Variants in TRIM14 observed in about 807,000 individuals in gnomAD.
TRIM14 encodes tripartite motif-containing protein 14.
Under a neutral mutation model 44.5 loss-of-function variants are expected in TRIM14, and 28 were observed. The ratio of observed to expected loss-of-function variants is 0.63; its 90% confidence interval spans 0.47 to 0.86. The LOEUF (loss-of-function observed/expected upper bound fraction) is 0.86. Among genes scored for constraint, TRIM14 ranks in the 40% least tolerant of loss-of-function variants. TRIM14 has a pLI of 0.00. For synonymous variants in TRIM14, 299 were observed against 269.2 expected (o/e 1.11, Z -1.08); for missense variants, 607 against 611.1 (o/e 0.99, Z 0.07).
the TRIM14 span, among the ~76,000 whole-genome samples, chr9:98,045,112 C>G: frequency 6.6e-6 from 1 of 151,562 alleles, no homozygotes; most frequent in East Asian, 1.9e-4. Context: ...ACTCTGTCTC[C>G]AAAAAATAAA....
downstream of TRIM14, among the ~76,000 whole-genome samples, chr9:98,079,810 C>T (rs1270913388): frequency 6.6e-6 from 1 of 152,240 alleles, no homozygotes; most frequent in Non-Finnish European, 1.5e-5. Flanking sequence ...TGGGCCTGCA[C>T]ATAGTACAGT....
chr9:98,046,715 A>T, the TRIM14 span, among the ~76,000 whole-genome samples: 1 of 152,170 alleles, frequency 6.6e-6, no homozygotes, highest in African/African-American at 2.4e-5. Flanking sequence ...CTGGGATTAC[A>T]GGCGTGAGCC....
At chr9:98,056,761 C>G in the TRIM14 span, 1 of 1,587,642 alleles carries the variant, frequency 6.3e-7, no homozygotes, top group Non-Finnish European at 8.5e-7. Flanking sequence ...GCGGCGGCGG[C>G]GGCCGGACCC....
chr9:98,108,674 A>G (rs903402826), intron 2 of TRIM14, among the ~76,000 whole-genome samples: 16 of 151,690 alleles, frequency 1.1e-4, no homozygotes, highest in Admixed American at 4.6e-4. Flanking sequence ...GACATGAGAG[A>G]CACTATTAAG....
chr9:98,071,830 G>A (rs532904682), intron 6 of TRIM14, among the ~76,000 whole-genome samples: 16 of 152,316 alleles, frequency 1.1e-4, no homozygotes, highest in South Asian at 2.1e-4. Flanking sequence ...TTCCGTCCAC[G>A]TTTCCTGGAA....
the TRIM14 span, among the ~76,000 whole-genome samples, chr9:98,060,353 G>T: frequency 1.3e-5 from 2 of 152,080 alleles, no homozygotes; most frequent in South Asian, 4.1e-4. Flanking sequence ...TAAGGTCTCT[G>T]TCAGTCTATG....
intron 4 of TRIM14, among the ~76,000 whole-genome samples, 175 bp downstream of exon 4, chr9:98,094,692 T>A (rs185447631): frequency 1.1e-3 from 161 of 151,544 alleles, no homozygotes; most frequent in Middle Eastern, 6.8e-3. Context: ...TCAGGAAGGG[T>A]TGGAGGTGAA....
chr9:98,042,901 G>A, the TRIM14 span, among the ~76,000 whole-genome samples: 1 of 151,128 alleles, frequency 6.6e-6, no homozygotes, highest in African/African-American at 2.4e-5. Flanking sequence ...CTTAAGTCAT[G>A]CAATCTTGAA....
intron 2 of TRIM14, among the ~76,000 whole-genome samples, chr9:98,109,638 T>C (rs186004067): frequency 7.2e-5 from 11 of 152,278 alleles, no homozygotes; most frequent in Admixed American, 7.2e-4. Flanking sequence ...GAACCAGAGA[T>C]TTGCCACAAA....
downstream of TRIM14, among the ~76,000 whole-genome samples, chr9:98,066,138 A>C (rs762438604): frequency 2.6e-5 from 4 of 152,316 alleles, no homozygotes; most frequent in African/African-American, 9.6e-5. Flanking sequence ...TGTTGAATCC[A>C]TAGTAAGGAG....
intron 4 of TRIM14, 25 bp from the exon 5 acceptor site, chr9:98,092,026 G>A (rs1213446012): frequency 1.3e-6 from 2 of 1,562,224 alleles, no homozygotes; most frequent in Non-Finnish European, 1.7e-6. Context: ...TGAGAAATGA[G>A]CGCCCGGAGC....
At chr9:98,068,758 C>A (rs1829224521), downstream of TRIM14, among the ~76,000 whole-genome samples, 1 of 150,904 alleles carries the variant, frequency 6.6e-6, no homozygotes, top group Non-Finnish European at 1.5e-5. Context: ...GAGCTTGAGG[C>A]TGTGGTAAGC....
intron 6 of TRIM14, chr9:98,078,468 T>C: frequency 7.9e-7 from 1 of 1,269,390 alleles, no homozygotes; most frequent in Non-Finnish European, 1.1e-6. Context: ...CCTTTGACAG[T>C]CTTGCTGTTA....
chr9:98,076,696 C>G, intron 6 of TRIM14: 1 of 517,662 alleles, frequency 1.9e-6, no homozygotes, highest in Non-Finnish European at 3.4e-6. Context: ...CAGCAAAGAC[C>G]AGCACCAAAC....
At position 98,088,050 on chromosome 9, in the gene TRIM14, C is replaced by G. The variant is rs112440826; in HGVS notation, c.794-45G>C. ...GGACGCACCTGGTGGGCGGGGCCAG[C>G]GCGGCGCCCCGCCCCCGGGAACCCA... On this transcript the variant is annotated intron_variant, in intron 5 of 5. Transcript: ENST00000341469. 5.7e-6 allele frequency: 8 copies of G among 1,403,506 alleles called. No individual in the cohort carries two copies. In the African/African-American group the frequency reaches 6.1e-5, roughly 11 times the overall value. The allele number at this position is 1,403,506 out of a possible 1,614,324, so 86.9% of individuals were successfully genotyped here. A position where few individuals can be genotyped will look rare whatever the true frequency, so the allele number is the denominator to read the frequency against.
chr9:98,067,110 A>G (rs1307507822), downstream of TRIM14, among the ~76,000 whole-genome samples: 1 of 152,168 alleles, frequency 6.6e-6, no homozygotes, highest in African/African-American at 2.4e-5. Flanking sequence ...TGACTAACTC[A>G]TAATTCAATT....
the TRIM14 span, among the ~76,000 whole-genome samples, chr9:98,036,760 C>T: frequency 4.6e-5 from 7 of 151,980 alleles, no homozygotes; most frequent in East Asian, 1.4e-3. Flanking sequence ...GCCCAGATCG[C>T]ACCATTGCAT....
intron 1 of TRIM14, among the ~76,000 whole-genome samples, chr9:98,111,201 T>C (rs375864538): frequency 6.6e-6 from 1 of 152,064 alleles, no homozygotes; most frequent in Non-Finnish European, 1.5e-5. Flanking sequence ...GATGGATGGA[T>C]GAATGAATAA....
Position 98,095,078 on chromosome 9 carries a change from A to G in TRIM14, c.538-49T>C, listed in dbSNP as rs765465133. On this transcript the variant is annotated intron_variant, in intron 3 of 5. Transcript: ENST00000341469. The surrounding 1 kb of genome is among the most constrained non-coding windows in gnomAD (Gnocchi z 4.1). ...GGTGGCTCTGGGAGATGCAGGCAGC[A>G]TCCCAGCCTCCTGTGCTGCACCCAG... 6.3e-7 allele frequency: 1 copy of G among 1,579,652 alleles called. No homozygotes were observed. Among genetic ancestry groups the G allele is most frequent in the Non-Finnish European group, 8.6e-7 (1 of 1,166,308 alleles).
Sources: allele counts gnomAD v4.1 joint callset (sites outside exome capture counted in the v4.1 genomes callset), GRCh38; gene constraint gnomAD v4.1.1; non-coding constraint Gnocchi (gnomAD v3.1); transcripts MANE v1.5; gene names NCBI Gene and HGNC (gene_info 2026-07-23, HGNC 2026-07-21).